TIAM1: variants seen among roughly 807,000 people sequenced by gnomAD.
TIAM1 encodes the protein TIAM Rac1 associated GEF 1, also known as rho guanine nucleotide exchange factor TIAM1.
Under a neutral mutation model 163.5 loss-of-function variants are expected in TIAM1, and 65 were observed. That is an observed-to-expected ratio of 0.40 (90% confidence interval 0.33 to 0.49). TIAM1 has a LOEUF of 0.49. Among genes scored for constraint, TIAM1 ranks in the 20% least tolerant of loss-of-function variants. TIAM1 has a pLI of 0.77. For synonymous variants in TIAM1, 833 were observed against 810.1 expected, an observed-to-expected ratio of 1.03 and a Z score of -0.48; for missense variants, 1,789 against 2,044.7, an observed-to-expected ratio of 0.87 and a Z score of 2.41.
intron 1 of TIAM1, among the ~76,000 whole-genome samples, chr21:31,509,133 T>A (rs1278901867): frequency 6.6e-6 from 1 of 152,018 alleles, no homozygotes; most frequent in Non-Finnish European, 1.5e-5. Context: ...GCCTCCGTGG[T>A]GGAGATTATG....
At chr21:31,423,699 G>GAAAAAAA (rs1373367940) in intron 2 of TIAM1, among the ~76,000 whole-genome samples, 1 of 25,376 alleles carries the variant, frequency 3.9e-5, no homozygotes, top group African/African-American at 1.8e-4. Flanking sequence ...CTAGAAAGTT[G>GAAAAAAA]TAAAAAAAAA....
intron 1 of TIAM1, among the ~76,000 whole-genome samples, chr21:31,549,877 A>G (rs1601069984): frequency 6.6e-6 from 1 of 152,316 alleles, no homozygotes; most frequent in South Asian, 2.1e-4. Context: ...TAATCTCAGC[A>G]CTTTGGGAGG....
At chr21:31,524,001 A>G (rs576176750) in intron 1 of TIAM1, among the ~76,000 whole-genome samples, 7 of 148,228 alleles carry the variant, frequency 4.7e-5, no homozygotes, top group African/African-American at 1.7e-4. Context: ...TGGGTGACGA[A>G]GCCAGACCCC....
At chr21:31,234,076 G>A (rs929824132) in intron 6 of TIAM1, among the ~76,000 whole-genome samples, 1 of 152,092 alleles carries the variant, frequency 6.6e-6, no homozygotes, top group African/African-American at 2.4e-5. Flanking sequence ...TATCTCACAT[G>A]TAAATATGAC....
At chr21:31,551,282 C>A (rs953167179) in intron 1 of TIAM1, among the ~76,000 whole-genome samples, 1 of 151,852 alleles carries the variant, frequency 6.6e-6, no homozygotes, top group Non-Finnish European at 1.5e-5. Context: ...GTGGCTCACA[C>A]CTGTAATCCC....
chr21:31,425,552 C>G (rs1233588747), intron 2 of TIAM1, among the ~76,000 whole-genome samples: 2 of 150,648 alleles, frequency 1.3e-5, no homozygotes, highest in African/African-American at 2.4e-5. Flanking sequence ...GCATTTCTAA[C>G]AAACTCCTAC....
rs2083195323 is a variant in TIAM1, at chr21:31,147,737, TA to T, written c.3367-735del. ...TATAATATATAAAATATATAATATA[TA>T]AAAATATATAATATATAATTAATAT... On this transcript the variant is annotated intron_variant, in intron 19 of 27. Transcript: ENST00000541036. 3.5e-5 allele frequency among the ~76,000 whole-genome samples: 5 copies of T among 143,110 alleles called. No individual in the cohort carries two copies. In the South Asian group the frequency reaches 6.3e-4, roughly 18 times the overall value. 93.9% of individuals were successfully genotyped at this position (143,110 alleles called of 152,430 possible).
At chr21:31,398,036 G>A (rs747352907) in intron 2 of TIAM1, among the ~76,000 whole-genome samples, 18 of 151,654 alleles carry the variant, frequency 1.2e-4, no homozygotes, top group Non-Finnish European at 2.2e-4. Flanking sequence ...ATGGACCAAT[G>A]TGTTGGCTTC....
chr21:31,247,551 T>C (rs1311449003), intron 5 of TIAM1, among the ~76,000 whole-genome samples: 2 of 151,714 alleles, frequency 1.3e-5, no homozygotes, highest in Non-Finnish European at 2.9e-5. Flanking sequence ...TATACAACCA[T>C]ACCTGGCTAA....
intron 2 of TIAM1, among the ~76,000 whole-genome samples, chr21:31,436,185 T>A (rs568124071): frequency 6.6e-6 from 1 of 152,274 alleles, no homozygotes; most frequent in African/African-American, 2.4e-5. Context: ...TATCTATTCA[T>A]TTATCAGCCT....
At chr21:31,227,769 T>G (rs1010473409) in intron 6 of TIAM1, among the ~76,000 whole-genome samples, 2 of 152,168 alleles carry the variant, frequency 1.3e-5, no homozygotes, top group Non-Finnish European at 1.5e-5. Context: ...CATCCTGAAG[T>G]TCCACCAGAA....
At chr21:31,397,247 T>C (rs1468041252) in intron 2 of TIAM1, among the ~76,000 whole-genome samples, 1 of 152,194 alleles carries the variant, frequency 6.6e-6, no homozygotes, top group African/African-American at 2.4e-5. Flanking sequence ...AACAAAGAAC[T>C]ATCATGCCCG....
intron 2 of TIAM1, among the ~76,000 whole-genome samples, chr21:31,376,785 A>G (rs1406285402): frequency 2.0e-5 from 3 of 151,960 alleles, no homozygotes; most frequent in African/African-American, 7.3e-5. Flanking sequence ...ATGGTAAGTG[A>G]TGGAGCTCCA....
chr21:31,485,058 G>A (rs2284532), intron 1 of TIAM1, among the ~76,000 whole-genome samples: 109,013 of 152,066 alleles, frequency 0.72, 39,993 homozygotes, highest in African/African-American at 0.84. Flanking sequence ...CTCCAGAACC[G>A]TGAGCCAAAT....
intron 2 of TIAM1, among the ~76,000 whole-genome samples, chr21:31,280,821 TG>T (rs555861745): frequency 3.9e-5 from 3 of 77,004 alleles, no homozygotes; most frequent in African/African-American, 4.8e-5. Flanking sequence ...CACTTGGGGG[TG>T]GGGGGGCAGG....
chr21:31,280,602 G>A (rs190737817), intron 2 of TIAM1, among the ~76,000 whole-genome samples: 3 of 152,124 alleles, frequency 2.0e-5, no homozygotes, highest in Non-Finnish European at 2.9e-5. Flanking sequence ...GAAAATGTGT[G>A]TACTGGAAGT....
At chr21:31,550,128 G>GAA (rs531209271) in intron 1 of TIAM1, among the ~76,000 whole-genome samples, 1 of 108,120 alleles carries the variant, frequency 9.2e-6, no homozygotes, top group African/African-American at 3.5e-5. Context: ...CGTCTCAAAA[G>GAA]AAAAAAAAAA....
At chr21:31,287,596 G>A (rs1021222850) in intron 2 of TIAM1, among the ~76,000 whole-genome samples, 6 of 152,162 alleles carry the variant, frequency 3.9e-5, no homozygotes, top group Admixed American at 1.3e-4. Context: ...AATGAACAGG[G>A]ATAGGAGAGA....
chr21:31,355,614 T>C (rs967307484), intron 2 of TIAM1, among the ~76,000 whole-genome samples: 2 of 151,950 alleles, frequency 1.3e-5, no homozygotes, highest in Non-Finnish European at 2.9e-5. Context: ...TGCAGTGATG[T>C]GATCTCGGCT....
Sources: gnomAD v4.1 joint callset for allele counts (sites outside exome capture counted in the v4.1 genomes callset) on GRCh38, gnomAD v4.1.1 for gene constraint, MANE v1.5 for transcripts, NCBI Gene and HGNC (gene_info 2026-07-23, HGNC 2026-07-21) for gene names.